The following KCNU1 variants were observed in gnomAD, a reference collection of about 807,000 sequenced individuals.
The protein encoded by KCNU1 is potassium channel subfamily U member 1.
In KCNU1, 93 loss-of-function variants were observed where a neutral mutation model predicts 126.8. The observed-to-expected ratio is 0.73, with a 90% CI of 0.62 to 0.87. The LOEUF (loss-of-function observed/expected upper bound fraction) is 0.87, where lower values mean the gene tolerates loss of function less well. KCNU1 is among the 40% of genes least tolerant of loss of function. KCNU1 has a pLI of 0.00. For missense variants in KCNU1, 1,330 were observed against 1,367.1 expected, an observed-to-expected ratio of 0.97 and a Z score of 0.43; for synonymous variants, 523 against 494.2, an observed-to-expected ratio of 1.06 and a Z score of -0.77.
At chr8:36,793,007 T>C (rs1383708386) in intron 2 of KCNU1, among the ~76,000 whole-genome samples, 1 of 152,126 alleles carries the variant, frequency 6.6e-6, no homozygotes, top group Admixed American at 6.5e-5. Flanking sequence ...ATATACATCA[T>C]GGAATACTAT....
chr8:36,855,740 G>A (rs748128304), intron 18 of KCNU1, among the ~76,000 whole-genome samples: 23 of 151,918 alleles, frequency 1.5e-4, no homozygotes, highest in African/African-American at 4.3e-4. Context: ...GGCCTATCTC[G>A]TGTCCTTCCT....
At chr8:36,789,078 C>T (rs1057245905) in intron 2 of KCNU1, among the ~76,000 whole-genome samples, 2 of 152,078 alleles carry the variant, frequency 1.3e-5, no homozygotes, top group African/African-American at 4.8e-5. Context: ...TGCTCTAGGC[C>T]GGGTGCAGTG....
chr8:36,836,247 C>A, intron 12 of KCNU1, 49 bp from the exon 13 acceptor site: 1 of 1,146,058 alleles, frequency 8.7e-7, no homozygotes, highest in Middle Eastern at 2.0e-4. Context: ...TATTACAAAG[C>A]CCTTTGGCTA....
intron 18 of KCNU1, among the ~76,000 whole-genome samples, chr8:36,850,310 A>G (rs902513862): frequency 6.6e-6 from 1 of 151,994 alleles, no homozygotes; most frequent in Non-Finnish European, 1.5e-5. Context: ...TTTAGTTTTG[A>G]TGATGTTCAA....
At chr8:36,842,453 C>A (rs1158752930) in intron 16 of KCNU1, among the ~76,000 whole-genome samples, 1 of 152,150 alleles carries the variant, frequency 6.6e-6, no homozygotes, top group African/African-American at 2.4e-5. Context: ...GTTTAAAAAT[C>A]CTGCTGTGCT....
At chr8:36,905,589 T>C (rs1209188096) in intron 19 of KCNU1, 119 bp from the exon 20 acceptor site, 2 of 695,952 alleles carry the variant, frequency 2.9e-6, no homozygotes, top group East Asian at 2.6e-5. Flanking sequence ...AGACCTGAGG[T>C]CATTCTACTT....
intron 19 of KCNU1, among the ~76,000 whole-genome samples, chr8:36,903,621 A>G (rs991148328): frequency 4.6e-5 from 7 of 152,196 alleles, no homozygotes; most frequent in Admixed American, 1.3e-4. Context: ...AAGGATTTCT[A>G]TATTGCAGAA....
rs10522369 is a variant in KCNU1, at chr8:36,881,796, T to TCACACACA, written c.2009+17316_2009+17323dup. Among the ~76,000 whole-genome samples, 474 of 138,916 alleles carry TCACACACA rather than the reference T, an allele frequency of 3.4e-3. 2 individuals are homozygous for TCACACACA. The highest frequency in any genetic ancestry group is 0.011 in the Middle Eastern group (3 of 270). 91.1% of individuals were successfully genotyped at this position (138,916 alleles called of 152,430 possible). A position where few individuals can be genotyped will look rare whatever the true frequency, so the allele number is the denominator to read the frequency against. The stretch of plus-strand genomic sequence containing the variant: ...CATGGTGTTGCTGGGAAAAGTCAAA[T>TCACACACA]CACACACACACACACACACACACAC... On this transcript the variant is annotated intron_variant, in intron 19 of 26. Transcript: ENST00000399881.
At chr8:36,803,326 G>A (rs1803379164) in intron 2 of KCNU1, among the ~76,000 whole-genome samples, 1 of 152,030 alleles carries the variant, frequency 6.6e-6, no homozygotes, top group Admixed American at 6.5e-5. Context: ...CTGGATGGTT[G>A]GAAACTAGAA....
At chr8:36,823,622 T>A (rs1238164673) in intron 10 of KCNU1, among the ~76,000 whole-genome samples, 1 of 151,812 alleles carries the variant, frequency 6.6e-6, no homozygotes, top group African/African-American at 2.4e-5. Flanking sequence ...GTTTATCATA[T>A]ATATTATATC....
chr8:36,878,436 A>C lies in KCNU1; in HGVS notation c.2009+13915A>C, dbSNP rs559925925. 5.9e-5 allele frequency among the ~76,000 whole-genome samples: 9 copies of C among 152,296 alleles called. 1 individual carries two copies. The South Asian group carries it at 1.5e-3, about 25-fold the overall frequency. On this transcript the variant is annotated intron_variant, in intron 19 of 26. Coordinates refer to ENST00000399881, the MANE Select transcript of KCNU1 (RefSeq NM_001031836.3). ...ACAAAGGCTCTCTTTACCTCTGTAA[A>C]GCAGCAGATGGTTGTCCCTGTGCTG...
intron 22 of KCNU1, among the ~76,000 whole-genome samples, chr8:36,915,160 G>T (rs1585558913): frequency 6.6e-6 from 1 of 152,180 alleles, no homozygotes; most frequent in South Asian, 2.1e-4. Flanking sequence ...GCAAAGAACT[G>T]GAATCAGAAA....
intron 23 of KCNU1, among the ~76,000 whole-genome samples, chr8:36,919,177 G>A (rs1226568456): frequency 2.0e-5 from 3 of 152,062 alleles, no homozygotes; most frequent in Non-Finnish European, 2.9e-5. Flanking sequence ...TTCAGAGGGA[G>A]GGGCCATCGA....
At chr8:36,843,172 G>C (rs1053852731) in intron 16 of KCNU1, among the ~76,000 whole-genome samples, 9 of 151,900 alleles carry the variant, frequency 5.9e-5, no homozygotes, top group African/African-American at 2.2e-4. Flanking sequence ...TTAAGATGAC[G>C]GTTAGGACAT....
intron 15 of KCNU1, 32 bp from the exon 16 acceptor site, chr8:36,840,900 C>T: frequency 6.6e-7 from 1 of 1,507,444 alleles, no homozygotes; most frequent in Non-Finnish European, 9.2e-7. Flanking sequence ...TGACCGCTTG[C>T]TCTCCTTTTG....
intron 19 of KCNU1, among the ~76,000 whole-genome samples, chr8:36,879,219 A>G (rs1002156624): frequency 3.5e-5 from 5 of 140,994 alleles, no homozygotes; most frequent in African/African-American, 1.3e-4. Flanking sequence ...GTGTATATAT[A>G]TATATATATA....
chr8:36,835,549 CA>C (rs1804717647), intron 12 of KCNU1, among the ~76,000 whole-genome samples: 1 of 152,064 alleles, frequency 6.6e-6, no homozygotes, highest in Admixed American at 6.6e-5. Context: ...CCATGTTGGT[CA>C]GGCTGGTCTT....
At chr8:36,844,484 C>T (rs1449239155) in intron 16 of KCNU1, among the ~76,000 whole-genome samples, 3 of 152,130 alleles carry the variant, frequency 2.0e-5, no homozygotes, top group Non-Finnish European at 4.4e-5. Context: ...GTTGTATTTT[C>T]CTTCCAAAGT....
Position 36,798,159 on chromosome 8 carries a change from A to G in KCNU1, c.316-5868A>G, listed in dbSNP as rs1262085727. ...CAGCTCACAGTGTCTCTGCAGAGGC[A>G]CAATTACCATCCGTGCTGGACTCCT... On this transcript the variant is annotated intron_variant, in intron 2 of 26. Coordinates refer to ENST00000399881, the MANE Select transcript of KCNU1 (RefSeq NM_001031836.3). Among the ~76,000 whole-genome samples the G allele has an allele frequency of 2.0e-5, 3 of 152,094 alleles. No individual in the cohort carries two copies. The East Asian group carries it at 5.8e-4, about 29-fold the overall frequency.
Sources: allele counts gnomAD v4.1 joint callset (sites outside exome capture counted in the v4.1 genomes callset), GRCh38; gene constraint gnomAD v4.1.1; transcripts MANE v1.5; gene names NCBI Gene and HGNC (gene_info 2026-07-23, HGNC 2026-07-21).